The following TTC21B variants were observed in gnomAD, a reference collection of about 807,000 sequenced individuals.
TTC21B encodes tetratricopeptide repeat protein 21B.
In TTC21B, 127 loss-of-function variants were observed where a neutral mutation model predicts 175.1. That is an observed-to-expected ratio of 0.73 (90% CI 0.63 to 0.84). The LOEUF (loss-of-function observed/expected upper bound fraction) is 0.84. TTC21B is among the 40% of genes least tolerant of loss of function. TTC21B has a pLI of 0.00. For missense variants in TTC21B, 1,561 were observed against 1,558.3 expected (o/e 1.00, Z -0.03); for synonymous variants, 524 against 524.5 (o/e 1.00, Z 0.01).
intron 27 of TTC21B, 67 bp downstream of exon 27, chr2:165,880,612 T>A: frequency 6.4e-7 from 1 of 1,564,620 alleles, no homozygotes; most frequent in Non-Finnish European, 8.8e-7. Context: ...ATCAAATGCA[T>A]TTAAATGAAA....
rs779008131 is a variant in TTC21B at position 165,899,844 on chromosome 2, C to A, written c.2794G>T (p.Asp932Tyr). Residue 932 changes from aspartate to tyrosine, a missense_variant, in exon 21 of 29, where the codon GAT becomes TAT. Coordinates refer to ENST00000243344, the MANE Select transcript of TTC21B (RefSeq NM_024753.5). ...LELARLYLAQ[D>Y]DPDSCLRQCA... Reference sequence around the variant, plus strand: ...TGCCGCAGGCAGGAATCAGGGTCATCTTGTGCCAGGTATAATCGTGCCAGT... The same window carrying A: ...TGCCGCAGGCAGGAATCAGGGTCATATTGTGCCAGGTATAATCGTGCCAGT... 1.9e-6 allele frequency: 3 copies of A among 1,613,966 alleles called. No individual in the cohort carries two copies. Among genetic ancestry groups the A allele is most frequent in the Non-Finnish European group, 2.5e-6 (3 of 1,179,892 alleles).
At chr2:165,933,192 G>A in intron 6 of TTC21B, 135 bp from the exon 7 acceptor site, 1 of 655,138 alleles carries the variant, frequency 1.5e-6, no homozygotes, top group Non-Finnish European at 2.6e-6. Flanking sequence ...AATGTCATCT[G>A]CTTTGTGAAA....
In TTC21B at chr2:165,925,817, G is replaced by A. The variant is rs151242308; in HGVS notation, c.1387-1139C>T. Among the ~76,000 whole-genome samples the A allele has an allele frequency of 2.1e-3, 325 of 152,058 alleles. 1 individual carries two copies. Among genetic ancestry groups the A allele is most frequent in the African/African-American group, 7.7e-3 (319 of 41,476 alleles). On this transcript the variant is annotated intron_variant, in intron 11 of 28. Transcript: ENST00000243344. Reference sequence around the variant, plus strand: ...ATAAGATTTTTATGCTTCTTTGCACGGTAATAGATACAGAGCAAACAGTTT... The same window carrying A: ...ATAAGATTTTTATGCTTCTTTGCACAGTAATAGATACAGAGCAAACAGTTT...
intron 6 of TTC21B, among the ~76,000 whole-genome samples, chr2:165,938,001 C>G (rs1426879809): frequency 2.0e-5 from 3 of 151,948 alleles, no homozygotes; most frequent in African/African-American, 7.3e-5. Context: ...TACCAAATAG[C>G]AAAGTAACTA....
At chr2:165,922,002 A>G (rs1444131492) in intron 12 of TTC21B, among the ~76,000 whole-genome samples, 1 of 151,902 alleles carries the variant, frequency 6.6e-6, no homozygotes, top group African/African-American at 2.4e-5. Context: ...TGAGTCCCCA[A>G]AGTCCATTGT....
At chr2:165,933,580 T>A (rs1686993986) in intron 6 of TTC21B, among the ~76,000 whole-genome samples, 1 of 152,148 alleles carries the variant, frequency 6.6e-6, no homozygotes, top group Non-Finnish European at 1.5e-5. Context: ...AGCTATAAAA[T>A]TCCTATGAAA....
Position 165,917,286 on chromosome 2 carries a change from T to C in TTC21B, c.1870A>G (p.Ile624Val), listed in dbSNP as rs77106136. 1.1e-3 allele frequency: 1,825 copies of C among 1,614,190 alleles called. 21 individuals carry two copies. The African/African-American group carries it at 0.021, about 19-fold the overall frequency. Residue 624 changes from isoleucine (I) to valine (V), a missense_variant, in exon 14 of 29, where the codon ATA becomes GTA. Coordinates refer to ENST00000243344, the MANE Select transcript of TTC21B (RefSeq NM_024753.5). Reference sequence around the variant, plus strand: ...TCTCCATTTAAGCGGTGAACGTCTATCAATTCAAGAAAGATCGATAAACGA... The same window carrying C: ...TCTCCATTTAAGCGGTGAACGTCTACCAATTCAAGAAAGATCGATAAACGA... ...SHRLSIFLELIDVHRLNGEQH... is the reference protein window; with the variant it reads ...SHRLSIFLELVDVHRLNGEQH...
chr2:165,931,949 A>G (rs1686926407), intron 7 of TTC21B, 93 bp from the exon 8 acceptor site: 1 of 825,830 alleles, frequency 1.2e-6, no homozygotes, highest in Non-Finnish European at 2.1e-6. Context: ...TTACCCTACT[A>G]GTATTTTAAA....
intron 4 of TTC21B, among the ~76,000 whole-genome samples, chr2:165,943,820 G>C (rs138349810): frequency 6.6e-6 from 1 of 152,174 alleles, no homozygotes; most frequent in African/African-American, 2.4e-5. Flanking sequence ...TTAGTCCATT[G>C]AATTTCAAAT....
intron 19 of TTC21B, among the ~76,000 whole-genome samples, chr2:165,905,715 C>G (rs1222591835): frequency 6.6e-6 from 1 of 151,960 alleles, no homozygotes; most frequent in African/African-American, 2.4e-5. Flanking sequence ...CTTTAACACC[C>G]CTCTCATACA....
intron 12 of TTC21B, among the ~76,000 whole-genome samples, chr2:165,924,039 C>T (rs569759678): frequency 6.6e-6 from 1 of 152,224 alleles, no homozygotes; most frequent in Admixed American, 6.5e-5. Context: ...AGGTGTGAGC[C>T]ACCGCACCCA....
In TTC21B at chr2:165,930,262, G is replaced by C. The variant is rs1686838326; in HGVS notation, c.997C>G (p.Gln333Glu). Residue 333 changes from glutamine to glutamate, a missense_variant, in exon 9 of 29, where the codon CAA (glutamine) becomes GAA (glutamate). By Grantham distance (29) the Gln-to-Glu change is conservative. Transcript: ENST00000243344. Reference protein sequence around the residue: ...QSEFATELGYQMILQGRVKEA... With the variant: ...QSEFATELGYEMILQGRVKEA... ...TTAACTCTTCCTTGTAAAATCATTT[G>C]GTATCCAAGTTCTGTAGCAAATTCT... The C allele has an allele frequency of 1.9e-6, 3 of 1,612,854 alleles. No individual in the cohort carries two copies. The highest frequency in any genetic ancestry group is 2.5e-6 in the Non-Finnish European group (3 of 1,179,366).
At chr2:165,929,976 G>A (rs865826279) in intron 9 of TTC21B, among the ~76,000 whole-genome samples, 196 bp downstream of exon 9, 21 of 152,008 alleles carry the variant, frequency 1.4e-4, no homozygotes, top group Admixed American at 3.9e-4. Flanking sequence ...TAGGAACCAC[G>A]TTATAAAAAT....
intron 28 of TTC21B, 38 bp from the exon 29 acceptor site, chr2:165,874,870 T>G: frequency 6.3e-7 from 1 of 1,580,282 alleles, no homozygotes; most frequent in Non-Finnish European, 8.7e-7. Context: ...AACTTGTAAC[T>G]AATAATCAAA....
chr2:165,904,053 T>G (rs1574085041), intron 19 of TTC21B, among the ~76,000 whole-genome samples: 1 of 152,198 alleles, frequency 6.6e-6, no homozygotes, highest in Admixed American at 6.5e-5. Context: ...TGCTGTTTTT[T>G]GATGTTGCTT....
At position 165,890,959 on chromosome 2, in the gene TTC21B, C is replaced by T. The variant is rs1685169640; in HGVS notation, c.2980G>A (p.Asp994Asn). 6.2e-7 allele frequency: 1 copy of T among 1,612,718 alleles called. No homozygotes were observed. The highest frequency in any genetic ancestry group is 1.7e-5 in the Admixed American group (1 of 59,934). Residue 994 changes from aspartate (D) to asparagine (N), a missense_variant, in exon 23 of 29, where the codon GAT becomes AAT. Transcript: ENST00000243344. ...AGTTTTCCACATCTTCTTAGGAGAT[C>T]AATCAAACGAGATAATGTCATATAA... ...DNYMTLSRLI[D>N]LLRRCGKLED...
At chr2:165,888,510 T>C in intron 24 of TTC21B, 36 bp from the exon 25 acceptor site, 1 of 1,480,764 alleles carries the variant, frequency 6.8e-7, no homozygotes, top group Non-Finnish European at 9.3e-7. Flanking sequence ...TTCTGTCTCT[T>C]ACTCATGATA....
intron 18 of TTC21B, 118 bp downstream of exon 18, chr2:165,911,208 TG>T: frequency 8.0e-7 from 1 of 1,250,586 alleles, no homozygotes; most frequent in Non-Finnish European, 1.1e-6. Context: ...AAAATACGCA[TG>T]TATTTATATA....
At chr2:165,905,383 T>G (rs13405162) in intron 19 of TTC21B, among the ~76,000 whole-genome samples, 66,103 of 151,792 alleles carry the variant, frequency 0.44, 15,136 homozygotes, top group Middle Eastern at 0.57. Context: ...AGATTTAGAT[T>G]GTCAAGAAAA....
Sources: allele counts gnomAD v4.1 joint callset (sites outside exome capture counted in the v4.1 genomes callset), GRCh38; gene constraint gnomAD v4.1.1; transcripts MANE v1.5; gene names NCBI Gene and HGNC (gene_info 2026-07-23, HGNC 2026-07-21).